PTPRD: variants seen among roughly 807,000 people sequenced by gnomAD.
PTPRD encodes protein tyrosine phosphatase receptor type D.
Under a neutral mutation model 214.5 loss-of-function variants are expected in PTPRD, and 34 were observed. That is an observed-to-expected ratio of 0.16 (90% CI 0.12 to 0.21). The LOEUF is 0.21. Ranked by LOEUF, PTPRD falls within the 10% of genes least tolerant of loss-of-function variation. The pLI is 1.00. For missense variants in PTPRD, 2,545 were observed against 2,398.7 expected (o/e 1.06, Z -1.27); for synonymous variants, 1,128 against 845.7 (o/e 1.33, Z -5.79).
chr9:9,094,776 A>G (rs2099781124), intron 10 of PTPRD, among the ~76,000 whole-genome samples: 1 of 152,186 alleles, frequency 6.6e-6, no homozygotes, highest in Non-Finnish European at 1.5e-5. Context: ...AACAACATAC[A>G]ATTTCCATAC....
chr9:9,315,966 T>A (rs1002893756), intron 9 of PTPRD, among the ~76,000 whole-genome samples: 1 of 151,568 alleles, frequency 6.6e-6, no homozygotes, highest in Non-Finnish European at 1.5e-5. Flanking sequence ...TCTGTGCCCA[T>A]GTGAATCTTT....
At chr9:9,685,852 C>T (rs568298822) in intron 7 of PTPRD, among the ~76,000 whole-genome samples, 2 of 151,342 alleles carry the variant, frequency 1.3e-5, no homozygotes, top group Non-Finnish European at 3.0e-5. Flanking sequence ...TTATTATATA[C>T]CAGTAACTTT....
intron 2 of PTPRD, among the ~76,000 whole-genome samples, chr9:10,611,886 T>C (rs957187881): frequency 6.0e-5 from 9 of 149,556 alleles, no homozygotes; most frequent in Non-Finnish European, 1.3e-4. Context: ...AAACCATCCT[T>C]ATTAACTTTC....
chr9:10,560,292 G>A (rs981257197), intron 2 of PTPRD, among the ~76,000 whole-genome samples: 2 of 151,918 alleles, frequency 1.3e-5, no homozygotes, highest in Non-Finnish European at 2.9e-5. Context: ...ATCATTCTCA[G>A]TAAACTATTG....
intron 8 of PTPRD, among the ~76,000 whole-genome samples, chr9:9,445,185 A>G (rs1010279386): frequency 2.0e-5 from 3 of 152,184 alleles, no homozygotes; most frequent in Non-Finnish European, 4.4e-5. Context: ...GGGTAGGTCA[A>G]ACTGTAGCCC....
rs1003989896 is a variant in PTPRD at position 8,721,877 on chromosome 9, G to A, written c.64+11903C>T. Among the ~76,000 whole-genome samples, 3 of 152,260 alleles carry A rather than the reference G, an allele frequency of 2.0e-5. No homozygotes were observed. The South Asian group carries it at 6.2e-4, about 32-fold the overall frequency. On this transcript the variant is annotated intron_variant, in intron 12 of 45. Transcript: ENST00000381196. ...CTTCCAAACCCCATATTAATTAGAA[G>A]GGCATTATCTATCTCTCCTAACCTC... is the stretch of plus-strand genomic sequence containing the variant.
intron 9 of PTPRD, among the ~76,000 whole-genome samples, chr9:9,195,098 A>ATATATATG (rs1554959760): frequency 1.3e-4 from 18 of 141,194 alleles, no homozygotes; most frequent in South Asian, 5.0e-4. Flanking sequence ...ATATATATAT[A>ATATATATG]TATATATATA....
chr9:10,075,015 T>G (rs942808167), intron 3 of PTPRD, among the ~76,000 whole-genome samples: 4 of 152,110 alleles, frequency 2.6e-5, no homozygotes, highest in African/African-American at 9.7e-5. Flanking sequence ...AAAATAAAAT[T>G]TGAATAAATC....
intron 9 of PTPRD, among the ~76,000 whole-genome samples, chr9:9,329,929 C>T (rs1437006036): frequency 6.6e-6 from 1 of 152,198 alleles, no homozygotes. Flanking sequence ...TTCTCAGTCA[C>T]TTCTAGCTGC....
At chr9:8,576,631 CAAAAAAAA>C (rs71317371) in intron 14 of PTPRD, among the ~76,000 whole-genome samples, 1 of 116,032 alleles carries the variant, frequency 8.6e-6, no homozygotes, top group South Asian at 2.9e-4. Flanking sequence ...GCTAATGCAG[CAAAAAAAA>C]AAAAAAAAAA....
chr9:8,787,683 G>A (rs1220535968), intron 11 of PTPRD, among the ~76,000 whole-genome samples: 20 of 152,236 alleles, frequency 1.3e-4, no homozygotes, highest in African/African-American at 4.8e-4. Flanking sequence ...GATGACAGGA[G>A]GGGAAGGAAG....
At chr9:9,220,519 G>A (rs1006378943) in intron 9 of PTPRD, among the ~76,000 whole-genome samples, 2 of 151,926 alleles carry the variant, frequency 1.3e-5, no homozygotes, top group African/African-American at 2.4e-5. Flanking sequence ...AACTGTTTCT[G>A]AAACTTTCTA....
chr9:8,579,228 T>C (rs576778615), intron 14 of PTPRD, among the ~76,000 whole-genome samples: 1 of 152,356 alleles, frequency 6.6e-6, no homozygotes, highest in South Asian at 2.1e-4. Flanking sequence ...CAACTGTCCA[T>C]CTAATCTTTT....
intron 5 of PTPRD, among the ~76,000 whole-genome samples, chr9:9,921,821 C>G (rs1316291310): frequency 6.6e-6 from 1 of 151,396 alleles, no homozygotes; most frequent in Non-Finnish European, 1.5e-5. Context: ...ATTATGTGTC[C>G]CACACTGTTC....
chr9:9,915,968 G>T (rs11536773), intron 5 of PTPRD, among the ~76,000 whole-genome samples: 29,509 of 150,582 alleles, frequency 0.2, 3,076 homozygotes, highest in African/African-American at 0.28. Flanking sequence ...AGCTGGAAAA[G>T]AAAAACATTA....
chr9:8,608,713 A>T (rs1220399694), intron 14 of PTPRD, among the ~76,000 whole-genome samples: 1 of 152,206 alleles, frequency 6.6e-6, no homozygotes, highest in African/African-American at 2.4e-5. Context: ...CAAATGGATG[A>T]TGTAAACAGA....
chr9:10,477,912 T>C (rs559404280), intron 2 of PTPRD, among the ~76,000 whole-genome samples: 8 of 151,894 alleles, frequency 5.3e-5, no homozygotes, highest in Admixed American at 1.3e-4. Context: ...TTCTCACTCA[T>C]AAGTGGGAGC....
chr9:9,018,398 T>TA (rs1211799248), intron 11 of PTPRD, among the ~76,000 whole-genome samples: 2 of 152,160 alleles, frequency 1.3e-5, no homozygotes, highest in Non-Finnish European at 2.9e-5. Context: ...TATAGATGTG[T>TA]ATTTGCTCTT....
intron 8 of PTPRD, among the ~76,000 whole-genome samples, chr9:9,493,611 A>G (rs1479415477): frequency 6.6e-6 from 1 of 151,860 alleles, no homozygotes; most frequent in East Asian, 1.9e-4. Flanking sequence ...ACACGGTGAA[A>G]CCCTGTCTCT....
Sources: gnomAD v4.1 joint callset for allele counts (sites outside exome capture counted in the v4.1 genomes callset) on GRCh38, gnomAD v4.1.1 for gene constraint, MANE v1.5 for transcripts, NCBI Gene and HGNC (gene_info 2026-07-23, HGNC 2026-07-21) for gene names.